GINS4: variants seen among roughly 807,000 people sequenced by gnomAD.
The protein encoded by GINS4 is GINS complex subunit 4.
Under a neutral mutation model 31.1 loss-of-function variants are expected in GINS4, and 20 were observed. The observed-to-expected ratio is 0.64, with a 90% CI of 0.45 to 0.93. The LOEUF is 0.93. GINS4 is among the 40% of genes least tolerant of loss of function. The pLI is 0.00. For missense variants in GINS4, 245 were observed against 273.9 expected, an observed-to-expected ratio of 0.89 and a Z score of 0.75; for synonymous variants, 85 against 97.9, an observed-to-expected ratio of 0.87 and a Z score of 0.78.
intron 2 of GINS4, among the ~76,000 whole-genome samples, chr8:41,536,059 A>G (rs1806735926): frequency 6.6e-6 from 1 of 152,148 alleles, no homozygotes; most frequent in Admixed American, 6.6e-5. Flanking sequence ...CAAAGGCACT[A>G]TTTGAACACC....
chr8:41,537,495 C>T lies in GINS4; in HGVS notation c.297+202C>T, dbSNP rs986396045. 7 of 520,306 alleles carry T rather than the reference C, an allele frequency of 1.3e-5. No individual in the cohort carries two copies. In the South Asian group the frequency reaches 1.5e-4, roughly 11 times the overall value. The allele number at this position is 520,306 out of a possible 1,614,324, so 32.2% of individuals were successfully genotyped here. A position where few individuals can be genotyped will look rare whatever the true frequency, so the allele number is the denominator to read the frequency against. The stretch of plus-strand genomic sequence containing the variant: ...ACAGAGGAACGTGTGTGGCCCACTG[C>T]GGGGACACCGCACACATTTTTAGTC... On this transcript the variant is annotated intron_variant, in intron 4 of 7. Coordinates refer to ENST00000276533, the MANE Select transcript of GINS4 (RefSeq NM_032336.3).
intron 4 of GINS4, among the ~76,000 whole-genome samples, chr8:41,539,457 CA>C (rs1182132981): frequency 6.6e-6 from 1 of 152,012 alleles, no homozygotes; most frequent in Non-Finnish European, 1.5e-5. Context: ...AGGAGTCTCC[CA>C]ATCCAAGCCG....
At position 41,540,622 on chromosome 8, in the gene GINS4, G is replaced by T. The variant is rs538479739; in HGVS notation, c.484+618G>T. On this transcript the variant is annotated intron_variant, in intron 6 of 7. Coordinates refer to ENST00000276533, the MANE Select transcript of GINS4 (RefSeq NM_032336.3). ...GGGAGGTATAGGCAGAGCCCTTACC[G>T]TCGGATCAACCCACCGGGGGCCCTG... Among the ~76,000 whole-genome samples, 5 of 152,318 alleles carry T rather than the reference G, an allele frequency of 3.3e-5. No homozygotes were observed. In the East Asian group the frequency reaches 9.6e-4, roughly 29 times the overall value.
chr8:41,540,116 C>T (rs1412884570), intron 6 of GINS4, 112 bp downstream of exon 6: 1 of 780,740 alleles, frequency 1.3e-6, no homozygotes, highest in Non-Finnish European at 2.2e-6. Context: ...TGTAGATAAA[C>T]AGAAAGAAGA....
intron 2 of GINS4, among the ~76,000 whole-genome samples, chr8:41,532,663 C>A (rs547665000): frequency 7.9e-5 from 12 of 151,856 alleles, no homozygotes; most frequent in African/African-American, 2.9e-4. Context: ...GGCGAAACCC[C>A]GTCTCTACCA....
rs991672158 is a variant in GINS4 at position 41,530,126 on chromosome 8, G to A, written c.-19-58G>A. ...CTTTCCTTTCTCCAGATAGATGTCT[G>A]TTCTTGCAGATAATTAGAAAACGCA... is the stretch of plus-strand genomic sequence containing the variant. On this transcript the variant is annotated intron_variant, in intron 1 of 7. Transcript: ENST00000276533. 6 of 1,111,532 alleles carry A rather than the reference G, an allele frequency of 5.4e-6. No individual in the cohort carries two copies. In the African/African-American group the frequency reaches 6.2e-5, roughly 12 times the overall value. The allele number at this position is 1,111,532 out of a possible 1,614,324, so 68.9% of individuals were successfully genotyped here.
intron 3 of GINS4, among the ~76,000 whole-genome samples, chr8:41,536,820 T>G (rs927352431): frequency 6.6e-6 from 1 of 152,220 alleles, no homozygotes; most frequent in Non-Finnish European, 1.5e-5. Context: ...CTGGCCTAGA[T>G]GATCTGAGCA....
intron 2 of GINS4, among the ~76,000 whole-genome samples, chr8:41,535,468 T>C (rs928385283): frequency 1.3e-5 from 2 of 152,208 alleles, no homozygotes; most frequent in Non-Finnish European, 2.9e-5. Flanking sequence ...TTTGTTTCAG[T>C]CTGCAGGACT....
In GINS4 at chr8:41,541,794, T is replaced by C. The variant is rs117165584; in HGVS notation, c.485-15T>C. ...GGCCGAGGATTTCCTAATCACATTG[T>C]TGTTTTCCTGGCAGTTCCCAAACCA... is the stretch of plus-strand genomic sequence containing the variant. On this transcript the variant is annotated splice_polypyrimidine_tract_variant and intron_variant, in intron 6 of 7. Transcript: ENST00000276533. The C allele has an allele frequency of 8.1e-5, 130 of 1,606,790 alleles. No homozygotes were observed. In the East Asian group the frequency reaches 2.3e-3, roughly 29 times the overall value.
At position 41,539,985 on chromosome 8, in the gene GINS4, G is replaced by T. The variant is rs1236815412; in HGVS notation, c.465G>T (p.Lys155Asn). Reference protein sequence around the residue: ...ALKHMPPNLQKVDLFRAVPKP... With the variant: ...ALKHMPPNLQNVDLFRAVPKP... ...AGCACATGCCCCCTAACTTACAGAA[G>T]GTGGACCTCTTTCGGGCAGGTAAAC... The change falls in exon 6 of 8, where the codon AAG (lysine) becomes AAT (asparagine). Residue 155 changes from lysine (K) to asparagine (N), a missense_variant. Physicochemically the swap from Lys to Asn is moderately conservative, Grantham distance 94. Coordinates refer to ENST00000276533, the MANE Select transcript of GINS4 (RefSeq NM_032336.3). 2 of 1,613,718 alleles carry T rather than the reference G, an allele frequency of 1.2e-6. No homozygotes were observed. Among genetic ancestry groups the T allele is most frequent in the African/African-American group, 1.3e-5 (1 of 74,908 alleles).
At chr8:41,536,297 A>T (rs1806739896) in intron 2 of GINS4, 63 bp from the exon 3 acceptor site, 2 of 969,512 alleles carry the variant, frequency 2.1e-6, no homozygotes, top group Non-Finnish European at 3.4e-6. Context: ...ACTTGGGCTG[A>T]CTCACTGGGT....
chr8:41,540,269 C>A, intron 6 of GINS4: 1 of 504,956 alleles, frequency 2.0e-6, no homozygotes, highest in South Asian at 2.1e-5. Flanking sequence ...GAGCCGCGTT[C>A]GCCTTCAGTA....
intron 1 of GINS4, 124 bp from the exon 2 acceptor site, chr8:41,530,060 T>A (rs1342247461): frequency 1.6e-6 from 1 of 606,920 alleles, no homozygotes; most frequent in Non-Finnish European, 2.9e-6. Flanking sequence ...CTCTCACCAC[T>A]TGCTAAAGGG....
intron 2 of GINS4, chr8:41,534,294 C>T (rs1806703511): frequency 2.5e-6 from 1 of 407,830 alleles, no homozygotes; most frequent in Non-Finnish European, 4.9e-6. Context: ...TTAGTCCCAG[C>T]TACTCTGGAG....
Position 41,537,245 on chromosome 8 carries a change from G to A in GINS4, c.249G>A (p.Glu83=), listed in dbSNP as rs760197145. Residue 83 remains glutamate (E), a synonymous_variant, in exon 4 of 8, where the codon GAG becomes GAA. Transcript: ENST00000276533. ...TCAGCATCCACCAAATGGAGATGGA[G>A]AGGATCCGCTACGTCCTCAGCAGCT... is the stretch of plus-strand genomic sequence containing the variant. ...LKVSIHQMEM[E]RIRYVLSSYL... is the part of the protein sequence containing the mutation. The A allele has an allele frequency of 1.9e-6, 3 of 1,614,104 alleles. No individual in the cohort carries two copies. Among genetic ancestry groups the A allele is most frequent in the African/African-American group, 2.7e-5 (2 of 75,064 alleles).
intron 4 of GINS4, among the ~76,000 whole-genome samples, chr8:41,538,531 T>G (rs1308147763): frequency 2.0e-5 from 3 of 152,108 alleles, no homozygotes; most frequent in African/African-American, 7.2e-5. Context: ...GTCCTCTACT[T>G]GTATGGCTTA....
chr8:41,530,380 A>T, intron 2 of GINS4, 82 bp downstream of exon 2: 1 of 995,338 alleles, frequency 1.0e-6, no homozygotes, highest in Admixed American at 2.3e-5. Flanking sequence ...TCACAAGATG[A>T]GGAAACGGAA....
At chr8:41,533,285 T>C (rs1046978116) in intron 2 of GINS4, among the ~76,000 whole-genome samples, 3 of 152,188 alleles carry the variant, frequency 2.0e-5, no homozygotes. Flanking sequence ...GCCGCCACCC[T>C]TGGGTGATGT....
chr8:41,537,008 G>T lies in GINS4; in HGVS notation c.184-172G>T. 5.3e-6 allele frequency: 3 copies of T among 569,450 alleles called. No individual in the cohort carries two copies. The South Asian group carries it at 6.1e-5, about 12-fold the overall frequency. 35.3% of individuals were successfully genotyped at this position (569,450 alleles called of 1,614,324 possible). A position where few individuals can be genotyped will look rare whatever the true frequency, so the allele number is the denominator to read the frequency against. On this transcript the variant is annotated intron_variant, in intron 3 of 7. Transcript: ENST00000276533. ...TGGCTGAACAGATTCTATTCAAATGGTCATTTTCTAAAAGTAAATGACTAT... is the reference window on the plus strand; with the variant it reads ...TGGCTGAACAGATTCTATTCAAATGTTCATTTTCTAAAAGTAAATGACTAT...
Sources: allele counts gnomAD v4.1 joint callset (sites outside exome capture counted in the v4.1 genomes callset), GRCh38; gene constraint gnomAD v4.1.1; transcripts MANE v1.5; gene names NCBI Gene and HGNC (gene_info 2026-07-23, HGNC 2026-07-21).